The following SLC44A5 variants were observed in gnomAD, a reference collection of about 807,000 sequenced individuals.
SLC44A5 encodes solute carrier family 44 member 5.
In SLC44A5, 57 loss-of-function variants were observed where a neutral mutation model predicts 101.8. That is an observed-to-expected ratio of 0.56 (90% CI 0.45 to 0.70). The LOEUF (loss-of-function observed/expected upper bound fraction) is 0.70. Ranked by LOEUF, SLC44A5 falls within the 30% of genes least tolerant of loss-of-function variation. The probability of loss-of-function intolerance (pLI) is 0.00; values close to 1 mark genes in which losing one functional copy is unlikely to be tolerated. For missense variants in SLC44A5, 737 were observed against 853.1 expected (o/e 0.86, Z 1.70); for synonymous variants, 281 against 290.9 (o/e 0.97, Z 0.35).
intron 2 of SLC44A5, among the ~76,000 whole-genome samples, chr1:75,437,226 G>A (rs1038474587): frequency 2.6e-5 from 4 of 152,078 alleles, no homozygotes; most frequent in African/African-American, 9.7e-5. Flanking sequence ...GTCCATAGTT[G>A]TATGTGCTAT....
chr1:75,303,202 G>A (rs1654632640), intron 4 of SLC44A5, among the ~76,000 whole-genome samples: 1 of 152,132 alleles, frequency 6.6e-6, no homozygotes, highest in Non-Finnish European at 1.5e-5. Context: ...CACAAGGACA[G>A]AAGCAGAAGC....
In SLC44A5 at chr1:75,407,762, A is replaced by G. The variant is rs1289487966; in HGVS notation, c.14-11141T>C. Among the ~76,000 whole-genome samples the G allele has an allele frequency of 4.6e-5, 7 of 152,242 alleles. No individual in the cohort carries two copies. In the South Asian group the frequency reaches 1.4e-3, roughly 32 times the overall value. On this transcript the variant is annotated intron_variant, in intron 2 of 23. Coordinates refer to ENST00000370859, the MANE Select transcript of SLC44A5 (RefSeq NM_001130058.2). ...ATACCTAAGACCATAAAAATCCTAG[A>G]AGAAAACCTAGGCAATACCATTCAG... is the stretch of plus-strand genomic sequence containing the variant.
chr1:75,551,023 G>GT (rs1671907254), intron 1 of SLC44A5, among the ~76,000 whole-genome samples: 1 of 152,148 alleles, frequency 6.6e-6, no homozygotes, highest in African/African-American at 2.4e-5. Context: ...TTGATGTAAA[G>GT]TTTTTAGCAC....
chr1:75,723,141 G>C, the SLC44A5 span, among the ~76,000 whole-genome samples: 2 of 152,146 alleles, frequency 1.3e-5, no homozygotes, highest in African/African-American at 2.4e-5. Flanking sequence ...TCCAGCCAAT[G>C]GAAACCGGAC....
chr1:75,608,149 T>C (rs1570734852), intron 1 of SLC44A5, among the ~76,000 whole-genome samples: 2 of 151,916 alleles, frequency 1.3e-5, no homozygotes, highest in East Asian at 3.9e-4. Flanking sequence ...CCTCCAGGTT[T>C]ATCCATGTTG....
At chr1:75,414,486 A>G (rs1663507751) in intron 2 of SLC44A5, among the ~76,000 whole-genome samples, 1 of 152,198 alleles carries the variant, frequency 6.6e-6, no homozygotes, top group Non-Finnish European at 1.5e-5. Flanking sequence ...TTAGTAAGAA[A>G]TAAGAGAGAC....
At chr1:75,450,563 A>C (rs190907936) in intron 2 of SLC44A5, among the ~76,000 whole-genome samples, 2 of 152,082 alleles carry the variant, frequency 1.3e-5, no homozygotes, top group Non-Finnish European at 1.5e-5. Flanking sequence ...CTACCCCCCA[A>C]CTGCAATCCT....
chr1:75,456,854 C>T (rs1465902438), intron 2 of SLC44A5, among the ~76,000 whole-genome samples: 2 of 152,212 alleles, frequency 1.3e-5, no homozygotes, highest in African/African-American at 4.8e-5. Context: ...TTATAAGAAG[C>T]ACCTTATAGT....
chr1:75,256,834 C>T (rs1650060646), intron 6 of SLC44A5, among the ~76,000 whole-genome samples: 2 of 151,992 alleles, frequency 1.3e-5, no homozygotes, highest in Admixed American at 1.3e-4. Flanking sequence ...ATAAAAGTAA[C>T]CACAAGGCAA....
At chr1:75,437,688 G>A (rs1165982385) in intron 2 of SLC44A5, among the ~76,000 whole-genome samples, 1 of 151,982 alleles carries the variant, frequency 6.6e-6, no homozygotes, top group Non-Finnish European at 1.5e-5. Context: ...AAAGCAGGAT[G>A]GTACAAAAAC....
intron 2 of SLC44A5, among the ~76,000 whole-genome samples, chr1:75,535,042 ATTTTTTAGGCTTACTATAAT>A (rs1670918988): frequency 6.8e-6 from 1 of 147,066 alleles, no homozygotes; most frequent in Admixed American, 6.8e-5. Flanking sequence ...ATTAACTCTC[ATTTTTTAGGCTTACTATAAT>A]TGAAGCTGCT....
At chr1:75,217,675 A>T (rs1646989964) in intron 18 of SLC44A5, among the ~76,000 whole-genome samples, 191 bp downstream of exon 18, 1 of 151,864 alleles carries the variant, frequency 6.6e-6, no homozygotes, top group Non-Finnish European at 1.5e-5. Context: ...TCTTTTATTC[A>T]CCACTGTCCC....
chr1:75,535,438 C>G (rs907520294), intron 2 of SLC44A5, among the ~76,000 whole-genome samples: 6 of 152,136 alleles, frequency 3.9e-5, no homozygotes, highest in African/African-American at 1.2e-4. Flanking sequence ...TAGGGTTCTT[C>G]CATCGTGTGG....
At chr1:75,313,311 T>G (rs1655450205) in intron 4 of SLC44A5, among the ~76,000 whole-genome samples, 1 of 152,216 alleles carries the variant, frequency 6.6e-6, no homozygotes, top group South Asian at 2.1e-4. Context: ...AAACGATGGT[T>G]ATGGATCATT....
chr1:75,712,498 T>A, the SLC44A5 span, among the ~76,000 whole-genome samples: 151 of 152,298 alleles, frequency 9.9e-4, no homozygotes, highest in African/African-American at 3.5e-3. Context: ...TAAGCATGAC[T>A]TTTGCTCTAT....
At chr1:75,530,058 C>CT (rs916763339) in intron 2 of SLC44A5, among the ~76,000 whole-genome samples, 99 of 151,806 alleles carry the variant, frequency 6.5e-4, no homozygotes, top group African/African-American at 1.9e-3. Flanking sequence ...GAAATAACAT[C>CT]TTTTTTTTGA....
At chr1:75,627,858 A>T in the SLC44A5 span, among the ~76,000 whole-genome samples, 2 of 149,650 alleles carry the variant, frequency 1.3e-5, no homozygotes, top group East Asian at 3.9e-4. Flanking sequence ...TTGGAATATT[A>T]TTAATTGATT....
chr1:75,621,139 G>A, the SLC44A5 span, among the ~76,000 whole-genome samples: 1 of 151,984 alleles, frequency 6.6e-6, no homozygotes, highest in African/African-American at 2.4e-5. Flanking sequence ...GGTTCTTCTG[G>A]GCACAGAGAC....
chr1:75,450,132 A>C lies in SLC44A5; in HGVS notation c.14-53511T>G, dbSNP rs796460045. On this transcript the variant is annotated intron_variant, in intron 2 of 23. Coordinates refer to ENST00000370859, the MANE Select transcript of SLC44A5 (RefSeq NM_001130058.2). ...ATCCCAGGGAGGTGAACACGAGCAA[A>C]CTTCCCCCGTGACACCAATTTGCTG... 2.8e-4 allele frequency among the ~76,000 whole-genome samples: 42 copies of C among 152,262 alleles called. 1 individual carries two copies. Among genetic ancestry groups the C allele is most frequent in the African/African-American group, 1.0e-3 (42 of 41,572 alleles).
Sources: gnomAD v4.1 joint callset for allele counts (sites outside exome capture counted in the v4.1 genomes callset) on GRCh38, gnomAD v4.1.1 for gene constraint, MANE v1.5 for transcripts, NCBI Gene and HGNC (gene_info 2026-07-23, HGNC 2026-07-21) for gene names.